The following DNAH6 variants were observed in gnomAD, a reference collection of about 807,000 sequenced individuals.
The protein encoded by DNAH6 is dynein axonemal heavy chain 6, also known as axonemal beta dynein heavy chain 6.
A neutral mutation model predicts 491.4 loss-of-function variants in DNAH6; 340 were observed. The observed-to-expected ratio is 0.69, with a 90% CI of 0.63 to 0.76. The LOEUF (loss-of-function observed/expected upper bound fraction) is 0.76. Among genes scored for constraint, DNAH6 ranks in the 30% least tolerant of loss-of-function variants. The pLI is 0.00. For missense variants in DNAH6, 4,443 were observed against 4,972.2 expected (o/e 0.89, Z 3.20); for synonymous variants, 1,603 against 1,686.1 (o/e 0.95, Z 1.21).
intron 37 of DNAH6, among the ~76,000 whole-genome samples, chr2:84,661,042 A>G (rs2104603045): frequency 6.6e-6 from 1 of 152,274 alleles, no homozygotes; most frequent in Admixed American, 6.5e-5. Context: ...TCAGTATTCA[A>G]TAAATTTTAT....
intron 62 of DNAH6, among the ~76,000 whole-genome samples, chr2:84,734,437 C>T (rs1208782020): frequency 6.6e-6 from 1 of 152,092 alleles, no homozygotes; most frequent in African/African-American, 2.4e-5. Flanking sequence ...AGTTCAAAAC[C>T]ATTTTAGGAT....
chr2:84,690,147 G>T (rs192397035), intron 45 of DNAH6, among the ~76,000 whole-genome samples: 3 of 152,054 alleles, frequency 2.0e-5, no homozygotes, highest in African/African-American at 7.2e-5. Context: ...GCTGCAGCAA[G>T]ATTTTCATGG....
At chr2:84,745,404 G>A (rs1237450327) in intron 63 of DNAH6, among the ~76,000 whole-genome samples, 155 bp downstream of exon 63, 6 of 152,200 alleles carry the variant, frequency 3.9e-5, no homozygotes, top group Non-Finnish European at 5.9e-5. Flanking sequence ...CGTGGCTCAC[G>A]CCTGTAATCC....
At chr2:84,774,280 A>C (rs1022634428) in intron 64 of DNAH6, among the ~76,000 whole-genome samples, 74 of 152,144 alleles carry the variant, frequency 4.9e-4, no homozygotes, top group African/African-American at 1.7e-3. Context: ...TCTTCTGCAT[A>C]TAGCTAGTCA....
intron 35 of DNAH6, among the ~76,000 whole-genome samples, chr2:84,656,386 G>A (rs775123517): frequency 6.6e-6 from 1 of 152,104 alleles, no homozygotes; most frequent in African/African-American, 2.4e-5. Context: ...TAATGTGGCT[G>A]TATCATTTTG....
At chr2:84,722,228 T>G (rs1467259282) in intron 59 of DNAH6, among the ~76,000 whole-genome samples, 2 of 152,204 alleles carry the variant, frequency 1.3e-5, no homozygotes, top group African/African-American at 4.8e-5. Flanking sequence ...TTTGGGCATC[T>G]TCCTGGGTAT....
intron 29 of DNAH6, among the ~76,000 whole-genome samples, chr2:84,631,440 C>T (rs1456658604): frequency 6.6e-6 from 1 of 152,108 alleles, no homozygotes; most frequent in Non-Finnish European, 1.5e-5. Flanking sequence ...ATGTTCAAGT[C>T]CTCATGCCTA....
At chr2:84,620,967 T>C (rs1205381944) in intron 24 of DNAH6, among the ~76,000 whole-genome samples, 1 of 152,188 alleles carries the variant, frequency 6.6e-6, no homozygotes, top group Non-Finnish European at 1.5e-5. Context: ...GCAGTGCATA[T>C]AGACTCCTCT....
intron 61 of DNAH6, among the ~76,000 whole-genome samples, chr2:84,728,597 A>G (rs1698861184): frequency 6.6e-6 from 1 of 152,260 alleles, no homozygotes; most frequent in Admixed American, 6.5e-5. Flanking sequence ...TTAAAATCCA[A>G]TAAAAGTTGT....
intron 70 of DNAH6, among the ~76,000 whole-genome samples, chr2:84,801,399 G>A (rs1004899229): frequency 6.6e-6 from 1 of 152,096 alleles, no homozygotes; most frequent in African/African-American, 2.4e-5. Context: ...GCAAGATACT[G>A]TATGAGCTGA....
rs774392432 is a variant in DNAH6 at position 84,814,066 on chromosome 2, G to A, written c.12094G>A (p.Val4032Met). The A allele has an allele frequency of 4.5e-6, 7 of 1,551,638 alleles. No individual in the cohort carries two copies. Among genetic ancestry groups the A allele is most frequent in the Middle Eastern group, 3.3e-4 (2 of 6,014 alleles). Residue 4032 changes from valine (V) to methionine (M), a missense_variant, in exon 75 of 77, where the codon GTG becomes ATG. By Grantham distance (21) the Val-to-Met change is conservative. Coordinates refer to ENST00000389394, the MANE Select transcript of DNAH6 (RefSeq NM_001370.2). ...VIPTYRDQAA[V>M]IEAAKTVQFG... ...TCCCACCTATCGGGATCAAGCTGCAGTGATAGAAGCTGCCAAGACAGTGCA... is the reference window on the plus strand; with the variant it reads ...TCCCACCTATCGGGATCAAGCTGCAATGATAGAAGCTGCCAAGACAGTGCA...
chr2:84,691,257 C>G (rs1172051508), intron 45 of DNAH6, among the ~76,000 whole-genome samples: 1 of 152,064 alleles, frequency 6.6e-6, no homozygotes, highest in African/African-American at 2.4e-5. Context: ...AATAATCAAA[C>G]TGCTATAAAT....
At chr2:84,781,289 C>T (rs529824516) in intron 64 of DNAH6, among the ~76,000 whole-genome samples, 11 of 152,176 alleles carry the variant, frequency 7.2e-5, no homozygotes, top group East Asian at 3.9e-4. Context: ...GCTGTATATT[C>T]GGTTTTTGCA....
At chr2:84,584,956 C>A (rs1233419589) in intron 15 of DNAH6, 1 of 152,180 alleles carries the variant, frequency 6.6e-6, no homozygotes, top group Non-Finnish European at 1.5e-5. Context: ...TATTTGGTTA[C>A]CTTGTACCAC....
chr2:84,772,396 G>A (rs553314359), intron 64 of DNAH6, among the ~76,000 whole-genome samples: 34 of 152,110 alleles, frequency 2.2e-4, no homozygotes, highest in African/African-American at 7.2e-4. Flanking sequence ...TAAAGACAGA[G>A]ATTGGCAGAA....
At chr2:84,476,985 T>TA in the DNAH6 span, among the ~76,000 whole-genome samples, 1 of 152,234 alleles carries the variant, frequency 6.6e-6, no homozygotes, top group South Asian at 2.1e-4. Flanking sequence ...TCACATGCTC[T>TA]AGCGTTCCTT....
At chr2:84,652,761 T>C (rs75497094) in intron 33 of DNAH6, among the ~76,000 whole-genome samples, 8,978 of 152,068 alleles carry the variant, frequency 0.059, 326 homozygotes, top group Middle Eastern at 0.13. Flanking sequence ...CATTGAAACA[T>C]CTCATACTAA....
intron 2 of DNAH6, among the ~76,000 whole-genome samples, chr2:84,520,541 A>G (rs1676040634): frequency 6.6e-6 from 1 of 151,996 alleles, no homozygotes; most frequent in African/African-American, 2.4e-5. Context: ...TGTAGTACAC[A>G]ATAGTTGTTT....
At chr2:84,481,673 G>C in the DNAH6 span, among the ~76,000 whole-genome samples, 7 of 152,312 alleles carry the variant, frequency 4.6e-5, no homozygotes, top group African/African-American at 1.7e-4. Context: ...GAGGTCAGCT[G>C]TTCAGGTCTA....
Sources: allele counts gnomAD v4.1 joint callset (sites outside exome capture counted in the v4.1 genomes callset), GRCh38; gene constraint gnomAD v4.1.1; transcripts MANE v1.5; gene names NCBI Gene and HGNC (gene_info 2026-07-23, HGNC 2026-07-21).